Variants in RBFOX1 observed in about 807,000 individuals in gnomAD.
RBFOX1 encodes RNA binding protein fox-1 homolog 1.
RBFOX1 carries 8 observed loss-of-function variants against 57.7 expected under a neutral mutation model. The observed-to-expected ratio is 0.14, with a 90% CI of 0.08 to 0.25. The LOEUF is 0.25. RBFOX1 is among the 10% of genes least tolerant of loss of function. The probability of loss-of-function intolerance (pLI) is 1.00; values close to 1 mark genes in which losing one functional copy is unlikely to be tolerated. For synonymous variants in RBFOX1, 326 were observed against 222.4 expected (o/e 1.47, Z -4.15); for missense variants, 611 against 548.5 (o/e 1.11, Z -1.14).
At chr16:6,970,842 A>C (rs1177187497) in intron 3 of RBFOX1, among the ~76,000 whole-genome samples, 2 of 152,214 alleles carry the variant, frequency 1.3e-5, no homozygotes, top group African/African-American at 4.8e-5. Flanking sequence ...AATATTCAGC[A>C]TCAATAGAAG....
intron 3 of RBFOX1, among the ~76,000 whole-genome samples, chr16:5,668,628 C>T (rs889870270): frequency 3.9e-5 from 6 of 152,190 alleles, no homozygotes; most frequent in Admixed American, 1.3e-4. Context: ...GTGTGTTATG[C>T]ATAACTCTTC....
At chr16:7,568,652 G>A (rs1343250326) in intron 5 of RBFOX1, among the ~76,000 whole-genome samples, 3 of 152,034 alleles carry the variant, frequency 2.0e-5, no homozygotes, top group South Asian at 2.1e-4. Flanking sequence ...GTGGGAGGCC[G>A]AGGCAGGTGG....
chr16:7,055,740 T>G (rs565742170), intron 4 of RBFOX1, among the ~76,000 whole-genome samples: 7 of 152,154 alleles, frequency 4.6e-5, no homozygotes, highest in Middle Eastern at 3.2e-3. Flanking sequence ...TGCACAAAAG[T>G]AGGATTTACT....
chr16:5,756,661 TA>T (rs2053408140), intron 3 of RBFOX1, among the ~76,000 whole-genome samples: 2 of 152,184 alleles, frequency 1.3e-5, no homozygotes, highest in African/African-American at 4.8e-5. Flanking sequence ...ATCGAATGAC[TA>T]ATTGATAACT....
intron 4 of RBFOX1, among the ~76,000 whole-genome samples, chr16:7,204,852 C>T (rs540453668): frequency 2.0e-5 from 3 of 152,168 alleles, no homozygotes; most frequent in Non-Finnish European, 2.9e-5. Context: ...CTGGCATTCG[C>T]CATTCTACTC....
intron 2 of RBFOX1, among the ~76,000 whole-genome samples, chr16:6,598,025 C>G (rs1289078752): frequency 6.6e-6 from 1 of 152,198 alleles, no homozygotes; most frequent in Non-Finnish European, 1.5e-5. Flanking sequence ...TTATTTAAGA[C>G]AAAATGATAT....
At chr16:6,494,227 A>G (rs539228562) in intron 2 of RBFOX1, among the ~76,000 whole-genome samples, 2 of 152,154 alleles carry the variant, frequency 1.3e-5, no homozygotes, top group Non-Finnish European at 2.9e-5. Context: ...GAATTTCCCT[A>G]AGGTTACTTG....
At chr16:6,273,501 T>C (rs1401268114) in intron 1 of RBFOX1, among the ~76,000 whole-genome samples, 1 of 151,642 alleles carries the variant, frequency 6.6e-6, no homozygotes, top group Non-Finnish European at 1.5e-5. Flanking sequence ...CATGTCACCA[T>C]GTCCAGCTAA....
chr16:5,569,438 C>CTTTTT (rs796279138), intron 2 of RBFOX1, among the ~76,000 whole-genome samples: 564 of 48,952 alleles, frequency 0.012, 20 homozygotes, highest in East Asian at 0.074. Context: ...AAGAAGTAAC[C>CTTTTT]TTTTTTTTTT....
At chr16:7,307,841 T>A (rs776705228) in intron 4 of RBFOX1, among the ~76,000 whole-genome samples, 1 of 152,206 alleles carries the variant, frequency 6.6e-6, no homozygotes, top group Non-Finnish European at 1.5e-5. Context: ...GCAACTGGCT[T>A]CAATCTTGCT....
intron 2 of RBFOX1, among the ~76,000 whole-genome samples, chr16:6,642,420 C>T (rs986327790): frequency 3.3e-5 from 5 of 152,118 alleles, no homozygotes; most frequent in African/African-American, 1.2e-4. Flanking sequence ...GGTTTGAGCT[C>T]ACCTGGTGAC....
At chr16:6,633,031 C>T (rs151050433) in intron 2 of RBFOX1, among the ~76,000 whole-genome samples, 23 of 152,168 alleles carry the variant, frequency 1.5e-4, no homozygotes, top group African/African-American at 5.3e-4. Flanking sequence ...AAAATAAATA[C>T]TTGATGTGTT....
At chr16:5,730,866 G>T (rs943561303) in intron 3 of RBFOX1, among the ~76,000 whole-genome samples, 1 of 151,138 alleles carries the variant, frequency 6.6e-6, no homozygotes, top group African/African-American at 2.4e-5. Flanking sequence ...TATCATCATT[G>T]TCATCACCAC....
chr16:5,868,321 A>G (rs1439030625), intron 4 of RBFOX1, among the ~76,000 whole-genome samples: 2 of 144,660 alleles, frequency 1.4e-5, no homozygotes. Flanking sequence ...AGGTATTTAT[A>G]TCCTACTGCT....
intron 3 of RBFOX1, among the ~76,000 whole-genome samples, chr16:5,759,356 G>A (rs893722045): frequency 1.3e-5 from 2 of 152,172 alleles, no homozygotes; most frequent in African/African-American, 2.4e-5. Flanking sequence ...TCTGATGCTT[G>A]TATTTCCTTG....
intron 4 of RBFOX1, among the ~76,000 whole-genome samples, chr16:7,401,378 C>G (rs894253840): frequency 2.6e-5 from 4 of 152,178 alleles, no homozygotes; most frequent in African/African-American, 9.7e-5. Context: ...CCAGACTTTT[C>G]TCTGATAAAC....
At chr16:6,822,254 C>G (rs2091435088) in intron 3 of RBFOX1, among the ~76,000 whole-genome samples, 2 of 152,116 alleles carry the variant, frequency 1.3e-5, no homozygotes, top group Non-Finnish European at 2.9e-5. Context: ...AGTATCAATG[C>G]TCAGTAGTCC....
chr16:5,670,979 C>G (rs1238938935), intron 3 of RBFOX1, among the ~76,000 whole-genome samples: 2 of 152,180 alleles, frequency 1.3e-5, no homozygotes, highest in African/African-American at 4.8e-5. Context: ...GTGGCAGGGA[C>G]AGAATTCAGA....
At chr16:5,486,168 G>T (rs930009665) in intron 2 of RBFOX1, among the ~76,000 whole-genome samples, 1 of 152,086 alleles carries the variant, frequency 6.6e-6, no homozygotes, top group African/African-American at 2.4e-5. Context: ...TTCAATTCAG[G>T]TTGCCTCCCC....
Sources: gnomAD v4.1 joint callset for allele counts (sites outside exome capture counted in the v4.1 genomes callset) on GRCh38, gnomAD v4.1.1 for gene constraint, MANE v1.5 for transcripts, NCBI Gene and HGNC (gene_info 2026-07-23, HGNC 2026-07-21) for gene names.